Variants in CDKN3 observed in about 807,000 individuals in gnomAD.
CDKN3 encodes the protein cyclin-dependent kinase inhibitor 3.
In CDKN3, 19 loss-of-function variants were observed where a neutral mutation model predicts 36.1. The ratio of observed to expected loss-of-function variants is 0.53; its 90% CI spans 0.37 to 0.77. The LOEUF is 0.77. Ranked by LOEUF, CDKN3 falls within the 30% of genes least tolerant of loss-of-function variation. The pLI is 0.00. For synonymous variants in CDKN3, 71 were observed against 85.3 expected (o/e 0.83, Z 0.92); for missense variants, 188 against 248.6 (o/e 0.76, Z 1.64).
chr14:54,397,230 G>A (rs1033445151), intron 1 of CDKN3, among the ~76,000 whole-genome samples, 153 bp downstream of exon 1: 1 of 152,262 alleles, frequency 6.6e-6, no homozygotes, highest in Non-Finnish European at 1.5e-5. Flanking sequence ...ACTCGCACGG[G>A]CCCAGCACGG....
intron 1 of CDKN3, 57 bp from the exon 2 acceptor site, chr14:54,399,837 A>C (rs779305480): frequency 1.2e-6 from 1 of 841,142 alleles, no homozygotes; most frequent in African/African-American, 1.7e-5. Context: ...AGGATTAGCT[A>C]TCCTAAAACT....
Position 54,408,777 on chromosome 14 carries a change from CA to C in CDKN3, c.186del (p.Asp63IlefsTer5). The C allele has an allele frequency of 6.4e-7, 1 of 1,572,870 alleles. No individual in the cohort carries two copies. Among genetic ancestry groups the C allele is most frequent in the Admixed American group, 2.0e-5 (1 of 50,876 alleles). On this transcript the variant is annotated frameshift_variant, in exon 4 of 8. Coordinates refer to ENST00000335183, the MANE Select transcript of CDKN3 (RefSeq NM_005192.4). LOFTEE classifies it high-confidence loss of function. Reference protein sequence around the residue: ...CKFKDVRRNVQKDTEELKSCG... With the variant: ...CKFKDVRRNVXKDTEELKSCG... ...ATTTAAAGATGTTAGAAGAAATGTC[CA>C]AAAAGATACAGGTAGGTATAATATC...
chr14:54,408,610 C>T (rs1227969825), intron 3 of CDKN3, 135 bp from the exon 4 acceptor site: 7 of 969,794 alleles, frequency 7.2e-6, no homozygotes, highest in African/African-American at 1.7e-5. Flanking sequence ...AATTGAAATT[C>T]ATATTCAAAA....
chr14:54,419,136 C>T (rs541376011), intron 7 of CDKN3, among the ~76,000 whole-genome samples: 1 of 149,540 alleles, frequency 6.7e-6, no homozygotes, highest in Non-Finnish European at 1.5e-5. Flanking sequence ...CCAGCCTGGG[C>T]GACAAAGTGA....
intron 5 of CDKN3, among the ~76,000 whole-genome samples, chr14:54,412,388 A>AG (rs2030389033): frequency 1.2e-5 from 1 of 83,208 alleles, no homozygotes; most frequent in Non-Finnish European, 2.8e-5. Flanking sequence ...ATCTAGAAAA[A>AG]AAAAAATAAA....
intron 3 of CDKN3, among the ~76,000 whole-genome samples, chr14:54,406,328 C>T (rs1381679163): frequency 6.6e-6 from 1 of 152,086 alleles, no homozygotes; most frequent in Admixed American, 6.6e-5. Context: ...TGGGGTTGCT[C>T]TTCTCGTGGA....
chr14:54,414,709 C>CA (rs1262801805), intron 5 of CDKN3, among the ~76,000 whole-genome samples: 2 of 102,142 alleles, frequency 2.0e-5, no homozygotes, highest in Non-Finnish European at 3.9e-5. Flanking sequence ...CCGTGCCAGG[C>CA]TTTTTTTTTT....
intron 3 of CDKN3, among the ~76,000 whole-genome samples, chr14:54,403,090 G>C (rs1362626181): frequency 3.3e-5 from 5 of 152,342 alleles, no homozygotes; most frequent in East Asian, 1.9e-4. Flanking sequence ...TGTGAAGAAA[G>C]TCAATGGTAG....
At chr14:54,397,109 G>T (rs1351796254) in intron 1 of CDKN3, 32 bp downstream of exon 1, 2 of 1,484,278 alleles carry the variant, frequency 1.3e-6, no homozygotes, top group African/African-American at 1.4e-5. Flanking sequence ...TTGGAGGAGC[G>T]AGGCGGCAGG....
At chr14:54,397,113 C>T in intron 1 of CDKN3, 36 bp downstream of exon 1, 1 of 1,474,342 alleles carries the variant, frequency 6.8e-7, no homozygotes, top group Non-Finnish European at 9.0e-7. Context: ...AGGAGCGAGG[C>T]GGCAGGGACG....
intron 3 of CDKN3, among the ~76,000 whole-genome samples, chr14:54,405,505 T>G (rs778157373): frequency 6.6e-6 from 1 of 152,224 alleles, no homozygotes; most frequent in East Asian, 1.9e-4. Context: ...AAGAACTTGC[T>G]TTATGAACCT....
At chr14:54,399,419 C>T (rs934590806) in intron 1 of CDKN3, among the ~76,000 whole-genome samples, 1 of 152,188 alleles carries the variant, frequency 6.6e-6, no homozygotes, top group Non-Finnish European at 1.5e-5. Context: ...TCCATTTCAG[C>T]ACTTATATAA....
chr14:54,418,509 G>T, intron 7 of CDKN3: 1 of 481,518 alleles, frequency 2.1e-6, no homozygotes. Context: ...GCAATGCCAA[G>T]GATATTGCAT....
intron 5 of CDKN3, among the ~76,000 whole-genome samples, chr14:54,412,453 C>A (rs75825135): frequency 1.9e-3 from 293 of 152,050 alleles, no homozygotes; most frequent in African/African-American, 6.9e-3. Flanking sequence ...AAGCAATAAG[C>A]AATCCTAAAA....
At chr14:54,419,145 G>A (rs2030647075) in intron 7 of CDKN3, among the ~76,000 whole-genome samples, 1 of 149,898 alleles carries the variant, frequency 6.7e-6, no homozygotes, top group African/African-American at 2.5e-5. Flanking sequence ...GCGACAAAGT[G>A]AGACCCTGTC....
At chr14:54,397,847 C>T (rs1264763050) in intron 1 of CDKN3, among the ~76,000 whole-genome samples, 1 of 152,176 alleles carries the variant, frequency 6.6e-6, no homozygotes, top group Non-Finnish European at 1.5e-5. Flanking sequence ...AATCCATAGC[C>T]TAGGGCCGGG....
At chr14:54,398,987 C>T (rs116852382) in intron 1 of CDKN3, among the ~76,000 whole-genome samples, 20 of 109,268 alleles carry the variant, frequency 1.8e-4, no homozygotes, top group African/African-American at 2.8e-4. Flanking sequence ...TTTCTTCTTC[C>T]TTTTTTTTTT....
At chr14:54,402,959 A>G (rs2030013495) in intron 3 of CDKN3, among the ~76,000 whole-genome samples, 1 of 152,148 alleles carries the variant, frequency 6.6e-6, no homozygotes, top group Non-Finnish European at 1.5e-5. Context: ...ATAGCCTTGT[A>G]GTATAGTTTG....
At chr14:54,416,177 AT>A (rs1204109791) in intron 6 of CDKN3, among the ~76,000 whole-genome samples, 1 of 152,074 alleles carries the variant, frequency 6.6e-6, no homozygotes, top group South Asian at 2.1e-4. Context: ...CTGCATTCTT[AT>A]TTTTTAACAT....
Sources: gnomAD v4.1 joint callset for allele counts (sites outside exome capture counted in the v4.1 genomes callset) on GRCh38, gnomAD v4.1.1 for gene constraint, MANE v1.5 for transcripts, NCBI Gene and HGNC (gene_info 2026-07-23, HGNC 2026-07-21) for gene names.